N4BP2: variants seen among roughly 807,000 people sequenced by gnomAD.
The protein encoded by N4BP2 is NEDD4 binding protein 2.
N4BP2 carries 91 observed loss-of-function variants against 152.8 expected under a neutral mutation model. The observed-to-expected ratio is 0.60, with a 90% CI of 0.50 to 0.71. The LOEUF (loss-of-function observed/expected upper bound fraction) is 0.71. N4BP2 is among the 30% of genes least tolerant of loss of function. The pLI is 0.00. For synonymous variants in N4BP2, 646 were observed against 705.3 expected (o/e 0.92, Z 1.33); for missense variants, 1,923 against 2,059.1 (o/e 0.93, Z 1.28).
chr4:40,163,724 T>C, the N4BP2 span, among the ~76,000 whole-genome samples: 12 of 152,224 alleles, frequency 7.9e-5, no homozygotes, highest in Admixed American at 7.9e-4. Context: ...ATGATGTCAT[T>C]GAGCCCCTGA....
Position 40,097,571 on chromosome 4 carries a change from T to A in N4BP2, c.229+2T>A, listed in dbSNP as rs1253434931. 1 of 1,595,182 alleles carries A rather than the reference T, an allele frequency of 6.3e-7. No individual in the cohort carries two copies. The highest frequency in any genetic ancestry group is 8.6e-7 in the Non-Finnish European group (1 of 1,163,540). On this transcript the variant is annotated splice_donor_variant, in intron 3 of 17. Coordinates refer to ENST00000261435, the MANE Select transcript of N4BP2 (RefSeq NM_018177.6). LOFTEE classifies it high-confidence loss of function. ...TGCTTTCTGAATGTGATTTCAAAGG[T>A]GAGAAAAAGTTTAGTTTGAACCCTG...
chr4:40,131,473 T>C (rs1718896799), intron 12 of N4BP2, among the ~76,000 whole-genome samples: 1 of 152,200 alleles, frequency 6.6e-6, no homozygotes, highest in Non-Finnish European at 1.5e-5. Context: ...TATATCTTCA[T>C]CCTTTTAATG....
At chr4:40,134,914 TC>T (rs1719228965) in intron 13 of N4BP2, among the ~76,000 whole-genome samples, 1 of 123,134 alleles carries the variant, frequency 8.1e-6, no homozygotes, top group Non-Finnish European at 1.8e-5. Flanking sequence ...TCTCTCTCTC[TC>T]TCTCTCTTTC....
At chr4:40,131,975 G>C in intron 13 of N4BP2, 56 bp downstream of exon 13, 1 of 1,052,160 alleles carries the variant, frequency 9.5e-7, no homozygotes. Context: ...GAAAGCATAT[G>C]CCATGTTTAT....
At chr4:40,083,893 C>T (rs1472257751) in intron 2 of N4BP2, among the ~76,000 whole-genome samples, 1 of 152,030 alleles carries the variant, frequency 6.6e-6, no homozygotes, top group East Asian at 1.9e-4. Context: ...TAAAACCAAT[C>T]CACGACGCTA....
chr4:40,120,049 AC>A lies in N4BP2; in HGVS notation c.1940del (p.Pro647LeufsTer12). 1 of 1,608,246 alleles carries A rather than the reference AC, an allele frequency of 6.2e-7. No individual in the cohort carries two copies. The highest frequency in any genetic ancestry group is 2.2e-5 in the East Asian group (1 of 44,782). ...NLDVTKETML[P>X]ENVAYLSNAD... ...TTGATGTAACCAAAGAAACAATGTT[AC>A]CTGAGAATGTTGCATATCTCTCTAA... On this transcript the variant is annotated frameshift_variant, in exon 9 of 18. Transcript: ENST00000261435. LOFTEE classifies it high-confidence loss of function.
chr4:40,056,970 C>G lies in N4BP2; in HGVS notation c.-272C>G, dbSNP rs530088457. The G allele has an allele frequency of 2.2e-3, 332 of 152,272 alleles. 1 individual carries two copies. Among genetic ancestry groups the G allele is most frequent in the African/African-American group, 7.6e-3 (315 of 41,560 alleles). The allele number at this position is 152,272 out of a possible 1,614,324, so 9.4% of individuals were successfully genotyped here. ...GGAAAGGGCTGCGGACCTGCGGCGC[C>G]GCGTTGTGCGTTCGACGACGCGGCA... On this transcript the variant is annotated 5_prime_UTR_variant, in exon 1 of 18. Transcript: ENST00000261435.
intron 2 of N4BP2, among the ~76,000 whole-genome samples, chr4:40,077,607 C>G (rs1050263270): frequency 2.0e-5 from 3 of 152,148 alleles, no homozygotes; most frequent in Admixed American, 2.0e-4. Flanking sequence ...GCACCGGCCA[C>G]CACACTCGAC....
the N4BP2 span, among the ~76,000 whole-genome samples, chr4:40,187,974 T>C: frequency 6.6e-6 from 1 of 152,240 alleles, no homozygotes; most frequent in Non-Finnish European, 1.5e-5. Context: ...CAAAGAACTG[T>C]TCTTTAAAAG....
the N4BP2 span, chr4:40,167,932 T>C: frequency 6.6e-6 from 1 of 152,126 alleles, no homozygotes; most frequent in Non-Finnish European, 1.5e-5. Context: ...GTAAAAACAT[T>C]CTAAAAGTTT....
At chr4:40,113,031 A>AT (rs1478786934) in intron 6 of N4BP2, among the ~76,000 whole-genome samples, 1 of 152,002 alleles carries the variant, frequency 6.6e-6, no homozygotes, top group Non-Finnish European at 1.5e-5. Context: ...CTTTCTTAAC[A>AT]TTTTTTTAAA....
chr4:40,058,118 T>G (rs2109877942), intron 1 of N4BP2, among the ~76,000 whole-genome samples: 1 of 152,324 alleles, frequency 6.6e-6, no homozygotes, highest in Non-Finnish European at 1.5e-5. Context: ...CAGAAAACAA[T>G]GACTGATTTG....
intron 7 of N4BP2, among the ~76,000 whole-genome samples, chr4:40,115,944 C>CT (rs1385644031): frequency 4.6e-5 from 7 of 152,066 alleles, no homozygotes; most frequent in Admixed American, 1.3e-4. Flanking sequence ...ATAATTCTGC[C>CT]TATGTTTGCT....
the N4BP2 span, among the ~76,000 whole-genome samples, chr4:40,178,005 C>CA: frequency 4.6e-5 from 7 of 152,004 alleles, no homozygotes; most frequent in South Asian, 2.1e-4. Context: ...AAAACAAAAA[C>CA]AAAAAAACAG....
chr4:40,089,768 T>G (rs1714353528), intron 2 of N4BP2, among the ~76,000 whole-genome samples: 1 of 152,138 alleles, frequency 6.6e-6, no homozygotes, highest in South Asian at 2.1e-4. Flanking sequence ...GGCCCATGCT[T>G]TTGTGTTTTT....
In N4BP2 at chr4:40,142,774, C is replaced by T. The variant is rs772482332; in HGVS notation, c.4887C>T (p.His1629=). The T allele has an allele frequency of 1.1e-5, 17 of 1,614,028 alleles. No homozygotes were observed. Among genetic ancestry groups the T allele is most frequent in the Non-Finnish European group, 1.3e-5 (15 of 1,179,976 alleles). The change falls in exon 15 of 18, where the codon CAC becomes CAT. Residue 1629 remains histidine (H), a synonymous_variant. Coordinates refer to ENST00000261435, the MANE Select transcript of N4BP2 (RefSeq NM_018177.6). Reference sequence around the variant, plus strand: ...ACTACAGAGCAGAGGCTTTCCTTCACCAACAGAAGAGGATGGAGTGCTACA... The same window carrying T: ...ACTACAGAGCAGAGGCTTTCCTTCATCAACAGAAGAGGATGGAGTGCTACA... The part of the protein sequence containing the change: ...YDDYRAEAFL[H]QQKRMECYSK...
At chr4:40,137,794 G>T (rs794011) in intron 14 of N4BP2, among the ~76,000 whole-genome samples, 14,363 of 152,150 alleles carry the variant, frequency 0.094, 688 homozygotes, top group East Asian at 0.14. Context: ...AATGGGTAAG[G>T]CAGGGTAAGC....
intron 15 of N4BP2, among the ~76,000 whole-genome samples, chr4:40,143,759 C>T (rs746466881): frequency 1.3e-5 from 2 of 152,018 alleles, no homozygotes; most frequent in African/African-American, 2.4e-5. Context: ...TGAAGGTGAA[C>T]GCCAAGATGA....
chr4:40,139,708 GTCT>G (rs545505321), intron 14 of N4BP2, among the ~76,000 whole-genome samples: 1 of 150,982 alleles, frequency 6.6e-6, no homozygotes, highest in South Asian at 2.1e-4. Context: ...GGCCAAGCTG[GTCT>G]TGAACTCCTG....
Sources: gnomAD v4.1 joint callset for allele counts (sites outside exome capture counted in the v4.1 genomes callset) on GRCh38, gnomAD v4.1.1 for gene constraint, MANE v1.5 for transcripts, NCBI Gene and HGNC (gene_info 2026-07-23, HGNC 2026-07-21) for gene names.